ULK4: variants seen among roughly 807,000 people sequenced by gnomAD.
The protein encoded by ULK4 is unc-51 like kinase 4, also known as inactive serine/threonine-protein kinase ULK4.
A neutral mutation model predicts 160.6 loss-of-function variants in ULK4; 133 were observed. The ratio of observed to expected loss-of-function variants is 0.83; its 90% CI spans 0.72 to 0.96. The LOEUF (loss-of-function observed/expected upper bound fraction) is 0.96, where lower values mean the gene tolerates loss of function less well. ULK4 is among the 40% of genes least tolerant of loss of function. The pLI, the probability that ULK4 is intolerant of heterozygous loss-of-function variation, is 0.00. For synonymous variants in ULK4, 534 were observed against 539.8 expected, an observed-to-expected ratio of 0.99 and a Z score of 0.15; for missense variants, 1,580 against 1,499.5, an observed-to-expected ratio of 1.05 and a Z score of -0.89.
chr3:41,564,888 C>T (rs575417652), intron 32 of ULK4, among the ~76,000 whole-genome samples: 2 of 152,340 alleles, frequency 1.3e-5, no homozygotes, highest in East Asian at 3.9e-4. Context: ...TCCCTCAGGG[C>T]AACTTTCAGT....
Position 41,442,167 on chromosome 3 carries a change from G to A in ULK4, c.3492+13330C>T, listed in dbSNP as rs542416140. ...CCCAAAGTGGACTGTTAGCTGATGG[G>A]AAAGGGGTATCACTGATTTATTAGA... On this transcript the variant is annotated intron_variant, in intron 34 of 36. Transcript: ENST00000301831. Among the ~76,000 whole-genome samples the A allele has an allele frequency of 2.0e-5, 3 of 152,308 alleles. No homozygotes were observed. The South Asian group carries it at 6.2e-4, about 32-fold the overall frequency.
rs559585433 is a variant in ULK4, at chr3:41,393,297, G to A, written c.3678+4782C>T. Among the ~76,000 whole-genome samples, 47 of 152,228 alleles carry A rather than the reference G, an allele frequency of 3.1e-4. No individual in the cohort carries two copies. In the South Asian group the frequency reaches 7.5e-3, roughly 24 times the overall value. On this transcript the variant is annotated intron_variant, in intron 35 of 36. Coordinates refer to ENST00000301831, the MANE Select transcript of ULK4 (RefSeq NM_017886.4). The stretch of plus-strand genomic sequence containing the variant: ...TTCAATTAAGATGCTGCCAGCAGCC[G>A]TTTGTTTCAGAGACCAGAATTCCTT...
chr3:41,493,661 A>G (rs984947325), intron 32 of ULK4, among the ~76,000 whole-genome samples: 1 of 149,342 alleles, frequency 6.7e-6, no homozygotes, highest in Non-Finnish European at 1.5e-5. Context: ...GAAAGGATCA[A>G]CAAAATTGAT....
chr3:41,944,352 A>G (rs1306873239), intron 2 of ULK4, among the ~76,000 whole-genome samples: 1 of 152,202 alleles, frequency 6.6e-6, no homozygotes, highest in East Asian at 1.9e-4. Flanking sequence ...AGGCAGGAGA[A>G]TTGCCTGAAT....
At chr3:41,484,521 C>A (rs557348761) in intron 32 of ULK4, among the ~76,000 whole-genome samples, 1 of 146,832 alleles carries the variant, frequency 6.8e-6, no homozygotes, top group Admixed American at 7.1e-5. Context: ...GGTGCAATCT[C>A]GGCTCACTGC....
intron 1 of ULK4, among the ~76,000 whole-genome samples, chr3:41,961,319 G>C (rs11717170): frequency 0.69 from 104,334 of 151,956 alleles, 39,272 homozygotes; most frequent in East Asian, 0.83. Flanking sequence ...AAAAGTTATC[G>C]GCCCTGCCCC....
intron 27 of ULK4, among the ~76,000 whole-genome samples, chr3:41,695,189 A>G (rs758229350): frequency 1.3e-5 from 2 of 152,216 alleles, no homozygotes; most frequent in Admixed American, 6.5e-5. Flanking sequence ...TGATCTAATC[A>G]TCTCCTGAAG....
intron 17 of ULK4, chr3:41,869,017 G>A (rs146423833): frequency 3.3e-5 from 5 of 152,254 alleles, no homozygotes; most frequent in Admixed American, 6.5e-5. Context: ...GTCAAGTGAA[G>A]CAGTGGGAGT....
At chr3:41,452,119 C>T (rs1047217623) in intron 34 of ULK4, among the ~76,000 whole-genome samples, 1 of 152,106 alleles carries the variant, frequency 6.6e-6, no homozygotes, top group Non-Finnish European at 1.5e-5. Context: ...ATGCATACTG[C>T]CGTATTTAAT....
intron 35 of ULK4, among the ~76,000 whole-genome samples, chr3:41,309,361 A>T (rs1424656988): frequency 6.6e-6 from 1 of 152,094 alleles, no homozygotes; most frequent in Non-Finnish European, 1.5e-5. Flanking sequence ...GGGTCTCCCT[A>T]TGCTGCCCAG....
At chr3:41,416,661 C>T (rs897142596) in intron 34 of ULK4, among the ~76,000 whole-genome samples, 2 of 152,094 alleles carry the variant, frequency 1.3e-5, no homozygotes, top group Non-Finnish European at 2.9e-5. Flanking sequence ...AAGAGATCCA[C>T]AATAAAATTA....
intron 35 of ULK4, among the ~76,000 whole-genome samples, chr3:41,370,375 G>A (rs1338387667): frequency 3.3e-5 from 5 of 152,120 alleles, no homozygotes; most frequent in Non-Finnish European, 5.9e-5. Flanking sequence ...GGCCAAATAG[G>A]AGCAGCTCTG....
intron 32 of ULK4, among the ~76,000 whole-genome samples, chr3:41,561,736 T>C (rs1158868149): frequency 6.6e-6 from 1 of 152,220 alleles, no homozygotes; most frequent in Non-Finnish European, 1.5e-5. Flanking sequence ...ATTGTGTCTA[T>C]TTGATTCTTC....
chr3:41,272,311 G>A (rs1361042922), intron 35 of ULK4, among the ~76,000 whole-genome samples: 6 of 145,318 alleles, frequency 4.1e-5, no homozygotes, highest in Non-Finnish European at 9.0e-5. Flanking sequence ...CTGTATACCT[G>A]AAAATGTCTT....
intron 27 of ULK4, among the ~76,000 whole-genome samples, chr3:41,696,756 G>A (rs1209833371): frequency 2.0e-5 from 3 of 151,638 alleles, no homozygotes; most frequent in Admixed American, 6.6e-5. Context: ...GATCTTGAGA[G>A]GAGAGAGTTA....
intron 8 of ULK4, 153 bp from the exon 9 acceptor site, chr3:41,913,052 T>C: frequency 1.6e-6 from 1 of 619,180 alleles, no homozygotes; most frequent in Non-Finnish European, 2.8e-6. Context: ...TTGTATGCTA[T>C]TAACCTCTTT....
chr3:41,527,415 T>C (rs2086156980), intron 32 of ULK4, among the ~76,000 whole-genome samples: 2 of 152,362 alleles, frequency 1.3e-5, no homozygotes, highest in South Asian at 2.1e-4. Flanking sequence ...CCATATCAAC[T>C]TGTTTAGATT....
At chr3:41,961,368 C>A (rs1700659803) in intron 1 of ULK4, among the ~76,000 whole-genome samples, 1 of 152,168 alleles carries the variant, frequency 6.6e-6, no homozygotes, top group Admixed American at 6.5e-5. Flanking sequence ...TAGGGCCTGG[C>A]CTTCTGTGTT....
At chr3:41,793,430 C>G (rs2125595816) in intron 20 of ULK4, among the ~76,000 whole-genome samples, 1 of 152,176 alleles carries the variant, frequency 6.6e-6, no homozygotes, top group South Asian at 2.1e-4. Flanking sequence ...AGAACCATTT[C>G]TTTTTGGTAT....
Sources: gnomAD v4.1 joint callset for allele counts (sites outside exome capture counted in the v4.1 genomes callset) on GRCh38, gnomAD v4.1.1 for gene constraint, MANE v1.5 for transcripts, NCBI Gene and HGNC (gene_info 2026-07-23, HGNC 2026-07-21) for gene names.